The following LRRC4C variants were observed in gnomAD, a reference collection of about 807,000 sequenced individuals.
LRRC4C encodes the protein leucine rich repeat containing 4C.
A neutral mutation model predicts 33.6 loss-of-function variants in LRRC4C; 5 were observed. That is an observed-to-expected ratio of 0.15 (90% CI 0.08 to 0.31). The LOEUF is 0.31. Ranked by LOEUF, LRRC4C falls within the 10% of genes least tolerant of loss-of-function variation. The pLI is 1.00. For synonymous variants in LRRC4C, 329 were observed against 302.0 expected (o/e 1.09, Z -0.93); for missense variants, 560 against 796.7 (o/e 0.70, Z 3.58).
At chr11:41,263,070 C>T (rs1429687917) in intron 1 of LRRC4C, among the ~76,000 whole-genome samples, 1 of 152,064 alleles carries the variant, frequency 6.6e-6, no homozygotes, top group Non-Finnish European at 1.5e-5. Flanking sequence ...GGAAATAACA[C>T]CTTACGAGGT....
At chr11:40,499,032 T>C (rs1954611002) in intron 3 of LRRC4C, among the ~76,000 whole-genome samples, 1 of 152,162 alleles carries the variant, frequency 6.6e-6, no homozygotes, top group African/African-American at 2.4e-5. Flanking sequence ...ATAGGTGATA[T>C]TATGACTTAA....
chr11:41,211,678 G>A (rs1328218310), intron 1 of LRRC4C, among the ~76,000 whole-genome samples: 1 of 152,174 alleles, frequency 6.6e-6, no homozygotes, highest in Non-Finnish European at 1.5e-5. Context: ...TATTATGGCT[G>A]CATAGTATTC....
intron 2 of LRRC4C, among the ~76,000 whole-genome samples, chr11:40,658,261 T>C (rs1224081609): frequency 6.6e-6 from 1 of 152,214 alleles, no homozygotes; most frequent in Non-Finnish European, 1.5e-5. Context: ...GGCTCTTGCC[T>C]ACCATCTAGG....
In LRRC4C at chr11:41,135,375, T is replaced by G. The variant is rs148431349; in HGVS notation, c.-495-201652A>C. On this transcript the variant is annotated intron_variant, in intron 1 of 6. Coordinates refer to ENST00000528697, the MANE Select transcript of LRRC4C (RefSeq NM_001258419.2). ...GGAAGGAGAGAGAGAGAGGGTAGAGTTAAAAAGACAGGCATTTGGGAGTAT... is the reference window on the plus strand; with the variant it reads ...GGAAGGAGAGAGAGAGAGGGTAGAGGTAAAAAGACAGGCATTTGGGAGTAT... Among the ~76,000 whole-genome samples the G allele has an allele frequency of 1.6e-3, 242 of 151,964 alleles. 2 individuals carry two copies. The highest frequency in any genetic ancestry group is 5.5e-3 in the African/African-American group (229 of 41,470).
intron 1 of LRRC4C, among the ~76,000 whole-genome samples, chr11:41,420,900 G>C (rs1468932974): frequency 6.6e-6 from 1 of 151,976 alleles, no homozygotes; most frequent in African/African-American, 2.4e-5. Context: ...CTATTCAATA[G>C]ATGAGGAAAA....
chr11:40,679,472 A>G (rs1944569378), intron 2 of LRRC4C, among the ~76,000 whole-genome samples: 1 of 152,108 alleles, frequency 6.6e-6, no homozygotes, highest in Admixed American at 6.5e-5. Context: ...GCCCCTCCCC[A>G]TCACAGGCCT....
chr11:41,136,867 G>C (rs1368766831), intron 1 of LRRC4C, among the ~76,000 whole-genome samples: 2 of 152,174 alleles, frequency 1.3e-5, no homozygotes, highest in Non-Finnish European at 2.9e-5. Context: ...TCTGCCACAA[G>C]GAAAAGCCTT....
chr11:41,197,267 C>A (rs918420991), intron 1 of LRRC4C, among the ~76,000 whole-genome samples: 1 of 152,018 alleles, frequency 6.6e-6, no homozygotes, highest in East Asian at 1.9e-4. Flanking sequence ...TAATCCCTTT[C>A]GCTGATAAAG....
At chr11:40,760,175 A>T (rs1050796248) in intron 2 of LRRC4C, among the ~76,000 whole-genome samples, 23 of 151,430 alleles carry the variant, frequency 1.5e-4, no homozygotes, top group Non-Finnish European at 2.8e-4. Context: ...ACTAAAAATT[A>T]AAAAAAAATT....
intron 2 of LRRC4C, among the ~76,000 whole-genome samples, chr11:40,754,990 A>C (rs139597903): frequency 3.9e-5 from 6 of 152,244 alleles, no homozygotes; most frequent in African/African-American, 1.4e-4. Context: ...AAAATGTTGC[A>C]CACAGTTTTC....
chr11:41,057,442 A>G (rs1203439115), intron 1 of LRRC4C, among the ~76,000 whole-genome samples: 1 of 152,212 alleles, frequency 6.6e-6, no homozygotes, highest in East Asian at 1.9e-4. Flanking sequence ...GGAAGCAGAC[A>G]GGTTCCTGGG....
intron 3 of LRRC4C, among the ~76,000 whole-genome samples, chr11:40,457,510 G>C (rs77357514): frequency 0.041 from 6,213 of 152,080 alleles, 413 homozygotes; most frequent in African/African-American, 0.14. Context: ...CACACAAATG[G>C]CTTTTGTGCA....
At chr11:40,621,720 T>G (rs531843808) in intron 3 of LRRC4C, among the ~76,000 whole-genome samples, 19 of 151,912 alleles carry the variant, frequency 1.3e-4, no homozygotes, top group Non-Finnish European at 1.5e-5. Context: ...GTCTAGTACA[T>G]GGTATGTGCT....
intron 1 of LRRC4C, among the ~76,000 whole-genome samples, chr11:41,198,918 G>T (rs979067584): frequency 1.3e-5 from 2 of 152,068 alleles, no homozygotes; most frequent in Non-Finnish European, 1.5e-5. Flanking sequence ...GTCTCAACGG[G>T]TGTTTTATTT....
At chr11:41,324,111 T>C (rs558825983) in intron 1 of LRRC4C, among the ~76,000 whole-genome samples, 10 of 152,178 alleles carry the variant, frequency 6.6e-5, no homozygotes, top group South Asian at 2.1e-4. Flanking sequence ...CTAGGAAAGA[T>C]GTCTTCATGC....
In LRRC4C at chr11:41,304,685, C is replaced by T. The variant is rs1187299789; in HGVS notation, c.-496+154746G>A. On this transcript the variant is annotated intron_variant, in intron 1 of 6. Coordinates refer to ENST00000528697, the MANE Select transcript of LRRC4C (RefSeq NM_001258419.2). Reference sequence around the variant, plus strand: ...GGGAGGGAGGTTGGGGGGTCAGCCCCCCGCCCGGCCAGCCACCCCGTCCGG... The same window carrying T: ...GGGAGGGAGGTTGGGGGGTCAGCCCTCCGCCCGGCCAGCCACCCCGTCCGG... Among the ~76,000 whole-genome samples, 11 of 91,200 alleles carry T rather than the reference C, an allele frequency of 1.2e-4. 1 individual carries two copies. Among genetic ancestry groups the T allele is most frequent in the African/African-American group, 2.5e-4 (6 of 23,628 alleles). The allele number at this position is 91,200 out of a possible 152,430, so 59.8% of individuals were successfully genotyped here.
chr11:41,455,432 T>C (rs1385595273), intron 1 of LRRC4C, among the ~76,000 whole-genome samples: 4 of 152,182 alleles, frequency 2.6e-5, no homozygotes, highest in African/African-American at 4.8e-5. Flanking sequence ...TAATAATTTA[T>C]GCATGTATGC....
intron 1 of LRRC4C, among the ~76,000 whole-genome samples, chr11:41,053,414 C>T (rs942736680): frequency 3.3e-5 from 5 of 152,100 alleles, no homozygotes; most frequent in Non-Finnish European, 7.4e-5. Context: ...ATGTCAATAT[C>T]CATATGAACT....
chr11:40,517,744 GA>G (rs34257872), intron 3 of LRRC4C, among the ~76,000 whole-genome samples: 66,677 of 146,870 alleles, frequency 0.45, 15,639 homozygotes, highest in East Asian at 0.66. Context: ...GAATTGGGGG[GA>G]AAAAAAAAAA....
Sources: gnomAD v4.1 joint callset for allele counts (sites outside exome capture counted in the v4.1 genomes callset) on GRCh38, gnomAD v4.1.1 for gene constraint, MANE v1.5 for transcripts, NCBI Gene and HGNC (gene_info 2026-07-23, HGNC 2026-07-21) for gene names.